The following WNK1 variants were observed in gnomAD, a reference collection of about 807,000 sequenced individuals.
WNK1 encodes the protein WNK lysine deficient protein kinase 1, also known as serine/threonine-protein kinase WNK1.
Under a neutral mutation model 222.8 loss-of-function variants are expected in WNK1, and 38 were observed. The ratio of observed to expected loss-of-function variants is 0.17; its 90% CI spans 0.13 to 0.22. The LOEUF is 0.22. WNK1 is among the 10% of genes least tolerant of loss of function. The pLI, the probability that WNK1 is intolerant of heterozygous loss-of-function variation, is 1.00. For synonymous variants in WNK1, 1,090 were observed against 1,092.9 expected (o/e 1.00, Z 0.05); for missense variants, 2,348 against 2,918.4 (o/e 0.80, Z 4.50).
chr12:840,872 G>A (rs1949576668), intron 4 of WNK1, among the ~76,000 whole-genome samples: 1 of 152,312 alleles, frequency 6.6e-6, no homozygotes, highest in South Asian at 2.1e-4. Context: ...AAATGTGTAG[G>A]CAGTCTTTTC....
Position 878,275 on chromosome 12 carries a change from T to C in WNK1, c.2287T>C (p.Ser763Pro), listed in dbSNP as rs1462814361. 2 of 1,613,820 alleles carry C rather than the reference T, an allele frequency of 1.2e-6. No homozygotes were observed. The highest frequency in any genetic ancestry group is 2.2e-5 in the East Asian group (1 of 44,878). Residue 763 changes from serine (S) to proline (P), a missense_variant, in exon 10 of 28, where the codon TCA becomes CCA. Ser to Pro is a moderately conservative substitution (Grantham distance 74). Transcript: ENST00000315939. ...QTVQYSLSQT[S>P]TSSEATTAQP... ...AGTGCAGTATTCACTTTCACAGACA[T>C]CAACCTCCAGTGAGGCCACTACTGC...
chr12:795,708 C>G lies in WNK1; in HGVS notation c.760-17934C>G, dbSNP rs573843201. On this transcript the variant is annotated intron_variant, in intron 1 of 27. Transcript: ENST00000315939. ...ATAGTTCGTGTCTTTCTAGGAATTTCTTTCCATTTTATCTAGATCATCTAC... is the reference window on the plus strand; with the variant it reads ...ATAGTTCGTGTCTTTCTAGGAATTTGTTTCCATTTTATCTAGATCATCTAC... Among the ~76,000 whole-genome samples the G allele has an allele frequency of 5.3e-5, 8 of 152,208 alleles. No individual in the cohort carries two copies. In the South Asian group the frequency reaches 1.7e-3, roughly 32 times the overall value.
At chr12:836,325 C>T (rs1438832852) in intron 4 of WNK1, among the ~76,000 whole-genome samples, 1 of 152,190 alleles carries the variant, frequency 6.6e-6, no homozygotes, top group Non-Finnish European at 1.5e-5. Context: ...GTAGTCATAA[C>T]TGCCAGGCCT....
chr12:862,582 C>T (rs563786679), intron 8 of WNK1, among the ~76,000 whole-genome samples: 1 of 152,250 alleles, frequency 6.6e-6, no homozygotes, highest in South Asian at 2.1e-4. Flanking sequence ...AAATGTTTTG[C>T]GGGTGGGGCG....
At chr12:880,080 AG>A in intron 11 of WNK1, 49 bp downstream of exon 11, 1 of 1,549,456 alleles carries the variant, frequency 6.5e-7, no homozygotes, top group Non-Finnish European at 8.9e-7. Flanking sequence ...TGATCCTAGT[AG>A]ATCATCAGGA....
At chr12:904,444 G>A (rs1321352534) in intron 26 of WNK1, 1 of 1,288,862 alleles carries the variant, frequency 7.8e-7, no homozygotes. Flanking sequence ...TTCTCTCTTT[G>A]TGCTTCAGGG....
chr12:777,681 G>A (rs116067813), intron 1 of WNK1, among the ~76,000 whole-genome samples: 4 of 152,090 alleles, frequency 2.6e-5, no homozygotes, highest in Non-Finnish European at 5.9e-5. Context: ...TGAAAGCAAA[G>A]CTCCTGGTAT....
At chr12:857,540 C>CA (rs1950876740) in intron 5 of WNK1, among the ~76,000 whole-genome samples, 1 of 152,124 alleles carries the variant, frequency 6.6e-6, no homozygotes, top group Non-Finnish European at 1.5e-5. Flanking sequence ...TTATAAAACT[C>CA]AAAAAAGAGT....
intron 4 of WNK1, among the ~76,000 whole-genome samples, chr12:837,875 A>T (rs1218069193): frequency 6.6e-6 from 1 of 152,166 alleles, no homozygotes; most frequent in South Asian, 2.1e-4. Context: ...TTTCTATACA[A>T]ACATTCCCCC....
intron 8 of WNK1, chr12:868,639 T>TCA: frequency 6.2e-7 from 1 of 1,614,034 alleles, no homozygotes; most frequent in Non-Finnish European, 8.5e-7. Flanking sequence ...AATTTCATGT[T>TCA]CACACACCAA....
intron 9 of WNK1, among the ~76,000 whole-genome samples, chr12:874,658 A>G (rs1397312027): frequency 1.3e-5 from 2 of 152,168 alleles, no homozygotes; most frequent in African/African-American, 2.4e-5. Flanking sequence ...AATAAGGATA[A>G]TAGCTAATAT....
At chr12:907,505 C>G (rs1003372663) in intron 26 of WNK1, among the ~76,000 whole-genome samples, 4 of 152,230 alleles carry the variant, frequency 2.6e-5, no homozygotes, top group Admixed American at 2.6e-4. Flanking sequence ...TTGTATCACA[C>G]CTCCATCAGC....
At chr12:790,345 C>T (rs899403265) in intron 1 of WNK1, among the ~76,000 whole-genome samples, 4 of 152,176 alleles carry the variant, frequency 2.6e-5, no homozygotes, top group African/African-American at 7.2e-5. Flanking sequence ...CTCAAGCCAT[C>T]CTGTCATCTC....
intron 1 of WNK1, among the ~76,000 whole-genome samples, chr12:811,223 TTTGA>T (rs1475418637): frequency 1.2e-4 from 18 of 152,212 alleles, no homozygotes; most frequent in Non-Finnish European, 2.2e-4. Flanking sequence ...TTCATGATAA[TTTGA>T]TTGACAGTTG....
Position 878,258 on chromosome 12 carries a change from A to G in WNK1, c.2270A>G (p.Tyr757Cys), listed in dbSNP as rs750855214. Residue 757 changes from tyrosine (Y) to cysteine (C), a missense_variant, in exon 10 of 28, where the codon TAT (tyrosine) becomes TGT (cysteine). Around this residue, in one of 13 missense-constraint regions of WNK1, gnomAD observed 547 missense variants for 558.3 expected, o/e 0.98. Transcript: ENST00000315939. ...GCCCCTCCTCAACAGACAGTGCAGT[A>G]TTCACTTTCACAGACATCAACCTCC... ...QTAPPQQTVQ[Y>C]SLSQTSTSSE... 15 of 1,614,164 alleles carry G rather than the reference A, an allele frequency of 9.3e-6. No homozygotes were observed. Among genetic ancestry groups the G allele is most frequent in the Non-Finnish European group, 1.3e-5 (15 of 1,180,022 alleles).
chr12:854,737 G>T (rs1950654894), intron 4 of WNK1, among the ~76,000 whole-genome samples: 1 of 152,166 alleles, frequency 6.6e-6, no homozygotes, highest in African/African-American at 2.4e-5. Context: ...GAATACAGTT[G>T]TTCCTCCCTG....
chr12:787,610 A>T (rs1420923737), intron 1 of WNK1, among the ~76,000 whole-genome samples: 1 of 152,156 alleles, frequency 6.6e-6, no homozygotes, highest in African/African-American at 2.4e-5. Context: ...AACCTATATT[A>T]GCTTTCTGTG....
intron 4 of WNK1, among the ~76,000 whole-genome samples, chr12:831,210 T>C (rs968346570): frequency 1.6e-4 from 25 of 152,322 alleles, no homozygotes; most frequent in African/African-American, 6.0e-4. Context: ...ACATATGATA[T>C]TGCAGCAGAG....
chr12:867,655 CAA>C (rs1951785599), intron 8 of WNK1: 3 of 576,236 alleles, frequency 5.2e-6, no homozygotes, highest in Admixed American at 3.3e-5. Context: ...TTATCTAAAG[CAA>C]AGAGCCCACA....
Sources: gnomAD v4.1 joint callset for allele counts (sites outside exome capture counted in the v4.1 genomes callset) on GRCh38, gnomAD v4.1.1 for gene constraint, gnomAD v4.1.1 regional missense constraint, MANE v1.5 for transcripts, NCBI Gene and HGNC (gene_info 2026-07-23, HGNC 2026-07-21) for gene names.